CLEC2D: variants seen among roughly 807,000 people sequenced by gnomAD.
The protein encoded by CLEC2D is C-type lectin related f.
CLEC2D carries 16 observed loss-of-function variants against 20.0 expected under a neutral mutation model. The observed-to-expected ratio is 0.80, with a 90% CI of 0.54 to 1.22. CLEC2D has a LOEUF of 1.22. Ranked by LOEUF, CLEC2D falls within the 50% of genes most tolerant of loss-of-function variation. The probability of loss-of-function intolerance (pLI) is 0.00; values close to 1 mark genes in which losing one functional copy is unlikely to be tolerated. For missense variants in CLEC2D, 207 were observed against 221.5 expected, an observed-to-expected ratio of 0.93 and a Z score of 0.42; for synonymous variants, 77 against 71.1, an observed-to-expected ratio of 1.08 and a Z score of -0.42.
At chr12:9,671,615 T>C (rs756993742) in intron 1 of CLEC2D, among the ~76,000 whole-genome samples, 1 of 152,206 alleles carries the variant, frequency 6.6e-6, no homozygotes, top group Non-Finnish European at 1.5e-5. Flanking sequence ...CATGAGAATG[T>C]AGACAAGAGG....
chr12:9,677,253 C>G (rs1818406353), intron 1 of CLEC2D, among the ~76,000 whole-genome samples: 2 of 151,996 alleles, frequency 1.3e-5, no homozygotes, highest in African/African-American at 4.8e-5. Context: ...TCAATACTAT[C>G]AATTTCTCTT....
chr12:9,680,981 C>G lies in CLEC2D; in HGVS notation c.120C>G (p.Phe40Leu). Residue 40 changes from phenylalanine to leucine, a missense_variant, in exon 2 of 5, where the codon TTC (phenylalanine) becomes TTG (leucine). Phe to Leu is a conservative substitution (Grantham distance 22). Coordinates refer to ENST00000290855, the MANE Select transcript of CLEC2D (RefSeq NM_013269.6). ...IKATLIWRLF[F>L]LIMFLTIIVC... ...CTACCTTAATTTGGCGCTTATTTTTCTTAATCATGTTTCTGACAATCATAG... is the reference window on the plus strand; with the variant it reads ...CTACCTTAATTTGGCGCTTATTTTTGTTAATCATGTTTCTGACAATCATAG... 1 of 1,606,626 alleles carries G rather than the reference C, an allele frequency of 6.2e-7. No individual in the cohort carries two copies. Among genetic ancestry groups the G allele is most frequent in the Non-Finnish European group, 8.5e-7 (1 of 1,174,378 alleles).
intron 1 of CLEC2D, among the ~76,000 whole-genome samples, chr12:9,680,549 C>T (rs900479402): frequency 3.9e-5 from 6 of 152,110 alleles, no homozygotes; most frequent in African/African-American, 1.2e-4. Context: ...CTATTTTAAT[C>T]GATAGATTTC....
At chr12:9,686,690 A>G (rs1015020344) in intron 2 of CLEC2D, among the ~76,000 whole-genome samples, 1 of 152,102 alleles carries the variant, frequency 6.6e-6, no homozygotes, top group African/African-American at 2.4e-5. Context: ...TAGAAGATGA[A>G]CTGGTAGCTA....
Position 9,695,051 on chromosome 12 carries a change from G to A in CLEC2D, c.*177G>A, listed in dbSNP as rs775205740. 1.7e-5 allele frequency: 10 copies of A among 588,750 alleles called. No individual in the cohort carries two copies. Among genetic ancestry groups the A allele is most frequent in the Admixed American group, 5.9e-5 (2 of 33,922 alleles). The allele number at this position is 588,750 out of a possible 1,614,324, so 36.5% of individuals were successfully genotyped here. A position where few individuals can be genotyped will look rare whatever the true frequency, so the allele number is the denominator to read the frequency against. On this transcript the variant is annotated 3_prime_UTR_variant, in exon 5 of 5. Coordinates refer to ENST00000290855, the MANE Select transcript of CLEC2D (RefSeq NM_013269.6). ...TAGTAAAATATTACCTGTTTTCATG[G>A]TGCTAATATTACCTGTTCTCCCACT...
Position 9,695,792 on chromosome 12 carries a change from G to GT in CLEC2D, c.*919dup. The stretch of plus-strand genomic sequence containing the variant: ...GAAGAGGAGGATGTGAAACTCTTAA[G>GT]TATATCTGGAAAGCAGTCTGCCCCT... On this transcript the variant is annotated 3_prime_UTR_variant, in exon 5 of 5. Transcript: ENST00000290855. 1.5e-6 allele frequency: 2 copies of GT among 1,319,402 alleles called. No individual in the cohort carries two copies. The highest frequency in any genetic ancestry group is 2.2e-6 in the Non-Finnish European group (2 of 925,868). The allele number at this position is 1,319,402 out of a possible 1,614,324, so 81.7% of individuals were successfully genotyped here. A position where few individuals can be genotyped will look rare whatever the true frequency, so the allele number is the denominator to read the frequency against.
chr12:9,690,897 GTTTT>G (rs1182405836), intron 3 of CLEC2D, among the ~76,000 whole-genome samples: 7 of 152,018 alleles, frequency 4.6e-5, no homozygotes, highest in Non-Finnish European at 1.0e-4. Flanking sequence ...AGTAAATCTT[GTTTT>G]AGTAATCACA....
intron 1 of CLEC2D, among the ~76,000 whole-genome samples, chr12:9,670,557 A>G (rs752251103): frequency 6.6e-6 from 1 of 152,206 alleles, no homozygotes; most frequent in Admixed American, 6.5e-5. Context: ...TAGTTCCAAC[A>G]TCTCTGTCAT....
At chr12:9,688,460 G>A (rs1402024747) in intron 3 of CLEC2D, among the ~76,000 whole-genome samples, 4 of 152,230 alleles carry the variant, frequency 2.6e-5, no homozygotes, top group Non-Finnish European at 4.4e-5. Context: ...GCACATGCCT[G>A]TAATCCCAGC....
intron 2 of CLEC2D, among the ~76,000 whole-genome samples, chr12:9,681,536 T>C (rs1394495295): frequency 6.6e-6 from 1 of 152,140 alleles, no homozygotes; most frequent in African/African-American, 2.4e-5. Flanking sequence ...ACAAACTCCG[T>C]TTAGTGATTG....
At position 9,681,807 on chromosome 12, in the gene CLEC2D, A is replaced by T. The variant is rs572604019; in HGVS notation, c.172+774A>T. Among the ~76,000 whole-genome samples, 4 of 152,332 alleles carry T rather than the reference A, an allele frequency of 2.6e-5. 1 individual carries two copies. In the South Asian group the frequency reaches 8.3e-4, roughly 32 times the overall value. On this transcript the variant is annotated intron_variant, in intron 2 of 4. Coordinates refer to ENST00000290855, the MANE Select transcript of CLEC2D (RefSeq NM_013269.6). ...CCATATAACACTCTAAATAATTTCTATTCATTTGCAAATCTTTTGCTTATT... is the reference window on the plus strand; with the variant it reads ...CCATATAACACTCTAAATAATTTCTTTTCATTTGCAAATCTTTTGCTTATT...
chr12:9,669,820 A>G, intron 1 of CLEC2D, 25 bp downstream of exon 1: 3 of 1,575,984 alleles, frequency 1.9e-6, no homozygotes, highest in Non-Finnish European at 2.6e-6. Flanking sequence ...TCTACAGAGT[A>G]AGTGTGAGGA....
At chr12:9,693,829 A>T (rs146767643) in intron 4 of CLEC2D, 5 of 449,160 alleles carry the variant, frequency 1.1e-5, no homozygotes, top group African/African-American at 4.1e-5. Flanking sequence ...TTTGAGAGAC[A>T]GGGTCTTACT....
chr12:9,686,809 G>T (rs12316684), intron 2 of CLEC2D, among the ~76,000 whole-genome samples: 3,442 of 152,328 alleles, frequency 0.023, 140 homozygotes, highest in African/African-American at 0.079. Flanking sequence ...AGCCTGTCCA[G>T]TGAAGTATTG....
At chr12:9,687,788 AATAC>A in intron 2 of CLEC2D, 110 bp from the exon 3 acceptor site, 1 of 563,554 alleles carries the variant, frequency 1.8e-6, no homozygotes, top group Non-Finnish European at 2.7e-6. Context: ...AAATGAAAAT[AATAC>A]ATTTAATACT....
At position 9,695,798 on chromosome 12, in the gene CLEC2D, C is replaced by A; in HGVS notation, c.*924C>A. 2 of 1,300,418 alleles carry A rather than the reference C, an allele frequency of 1.5e-6. No homozygotes were observed. The highest frequency in any genetic ancestry group is 3.4e-5 in the Admixed American group (2 of 59,478). The allele number at this position is 1,300,418 out of a possible 1,614,324, so 80.6% of individuals were successfully genotyped here. A position where few individuals can be genotyped will look rare whatever the true frequency, so the allele number is the denominator to read the frequency against. ...GAGGATGTGAAACTCTTAAGTATAT[C>A]TGGAAAGCAGTCTGCCCCTGGAGGT... On this transcript the variant is annotated 3_prime_UTR_variant, in exon 5 of 5. Transcript: ENST00000290855.
At chr12:9,679,825 G>A (rs9630264) in intron 1 of CLEC2D, among the ~76,000 whole-genome samples, 133,854 of 152,188 alleles carry the variant, frequency 0.88, 59,055 homozygotes, top group East Asian at 0.97. Flanking sequence ...ATTAACTAGA[G>A]GTGTGAATTG....
rs1866035128 is a variant in CLEC2D at position 9,697,909 on chromosome 12, G to A, written c.*3035G>A. ...ACTGAAAACTTGATGACAGATTTTA[G>A]ATATTCTTACCACACAGACAAAAAG... On this transcript the variant is annotated 3_prime_UTR_variant, in exon 5 of 5. Coordinates refer to ENST00000290855, the MANE Select transcript of CLEC2D (RefSeq NM_013269.6). The A allele has an allele frequency of 6.6e-6, 1 of 151,386 alleles. No homozygotes were observed. The highest frequency in any genetic ancestry group is 2.4e-5 in the African/African-American group (1 of 41,180). 9.4% of individuals were successfully genotyped at this position (151,386 alleles called of 1,614,324 possible). A position where few individuals can be genotyped will look rare whatever the true frequency, so the allele number is the denominator to read the frequency against.
chr12:9,678,029 G>A (rs1865560189), intron 1 of CLEC2D, among the ~76,000 whole-genome samples: 1 of 152,158 alleles, frequency 6.6e-6, no homozygotes, highest in South Asian at 2.1e-4. Flanking sequence ...TGCTGGATCT[G>A]TGCATTTCCA....
Sources: gnomAD v4.1 joint callset for allele counts (sites outside exome capture counted in the v4.1 genomes callset) on GRCh38, gnomAD v4.1.1 for gene constraint, MANE v1.5 for transcripts, NCBI Gene and HGNC (gene_info 2026-07-23, HGNC 2026-07-21) for gene names.